ARSK: variants seen among roughly 807,000 people sequenced by gnomAD.
ARSK encodes the protein arylsulfatase K.
Under a neutral mutation model 53.2 loss-of-function variants are expected in ARSK, and 37 were observed. The ratio of observed to expected loss-of-function variants is 0.70; its 90% CI spans 0.54 to 0.92. ARSK has a LOEUF of 0.92. Among genes scored for constraint, ARSK ranks in the 40% least tolerant of loss-of-function variants. ARSK has a pLI of 0.00. For synonymous variants in ARSK, 208 were observed against 223.2 expected (o/e 0.93, Z 0.61); for missense variants, 613 against 643.0 (o/e 0.95, Z 0.51).
intron 6 of ARSK, among the ~76,000 whole-genome samples, chr5:95,600,375 C>A (rs1213298858): frequency 6.6e-6 from 1 of 152,098 alleles, no homozygotes; most frequent in African/African-American, 2.4e-5. Flanking sequence ...CATTGTTTTG[C>A]AAACATATAA....
chr5:95,568,402 G>A (rs1411551021), intron 3 of ARSK, among the ~76,000 whole-genome samples: 1 of 151,934 alleles, frequency 6.6e-6, no homozygotes, highest in Non-Finnish European at 1.5e-5. Flanking sequence ...TCGTTGGTCA[G>A]TTCTCTCTAA....
At chr5:95,558,933 G>A (rs1040698363) in intron 1 of ARSK, among the ~76,000 whole-genome samples, 1 of 152,196 alleles carries the variant, frequency 6.6e-6, no homozygotes, top group Non-Finnish European at 1.5e-5. Flanking sequence ...CTGAGATCAG[G>A]AGTTCGAGAC....
At chr5:95,589,302 G>T (rs940364663) in intron 5 of ARSK, among the ~76,000 whole-genome samples, 1 of 152,168 alleles carries the variant, frequency 6.6e-6, no homozygotes, top group Non-Finnish European at 1.5e-5. Flanking sequence ...AAGTTCCAGG[G>T]TACATGTGCA....
intron 3 of ARSK, among the ~76,000 whole-genome samples, chr5:95,579,025 G>C (rs1299963011): frequency 1.3e-5 from 2 of 152,070 alleles, no homozygotes; most frequent in Non-Finnish European, 2.9e-5. Flanking sequence ...AGTATATTTG[G>C]CTATCACCTG....
chr5:95,594,877 A>G (rs1197020531), intron 6 of ARSK, among the ~76,000 whole-genome samples: 1 of 152,078 alleles, frequency 6.6e-6, no homozygotes, highest in East Asian at 1.9e-4. Context: ...AGTCCTTCTC[A>G]TATACTGCTA....
chr5:95,566,270 G>T (rs368486136), intron 2 of ARSK, 143 bp downstream of exon 2: 5 of 1,020,870 alleles, frequency 4.9e-6, no homozygotes, highest in South Asian at 1.7e-5. Flanking sequence ...GCATTTTAAG[G>T]TATATATTGG....
rs146875927 is a variant in ARSK, at chr5:95,583,216, G to T, written c.699+18G>T. 7.7e-3 allele frequency: 11,556 copies of T among 1,501,630 alleles called. 66 individuals are homozygous for T. Among genetic ancestry groups the T allele is most frequent in the Non-Finnish European group, 9.5e-3 (10,611 of 1,117,938 alleles). 93.0% of individuals were successfully genotyped at this position (1,501,630 alleles called of 1,614,324 possible). ...TTGAAAAAGTAAGTAACTACATTGT[G>T]TGTGCTCAAAAGTAGATTTATATAT... On this transcript the variant is annotated intron_variant, in intron 4 of 7. Coordinates refer to ENST00000380009, the MANE Select transcript of ARSK (RefSeq NM_198150.3).
chr5:95,571,646 T>C (rs17084908), intron 3 of ARSK, among the ~76,000 whole-genome samples: 2 of 152,198 alleles, frequency 1.3e-5, no homozygotes, highest in South Asian at 4.1e-4. Context: ...ATGTTGATGT[T>C]TGGGATGTCA....
In ARSK at chr5:95,561,658, G is replaced by A. The variant is rs149826879; in HGVS notation, c.127-4340G>A. ...AGCTAGTCAAAAAGGACCACATATT[G>A]TATGATTCCATTCATATGAAATGTC... On this transcript the variant is annotated intron_variant, in intron 1 of 7. Coordinates refer to ENST00000380009, the MANE Select transcript of ARSK (RefSeq NM_198150.3). 4.4e-3 allele frequency among the ~76,000 whole-genome samples: 670 copies of A among 152,338 alleles called. 6 individuals carry two copies. The highest frequency in any genetic ancestry group is 0.015 in the African/African-American group (640 of 41,576).
intron 5 of ARSK, among the ~76,000 whole-genome samples, chr5:95,589,414 G>A (rs1016197953): frequency 6.6e-6 from 1 of 152,160 alleles, no homozygotes; most frequent in African/African-American, 2.4e-5. Flanking sequence ...GCATGCATTA[G>A]CTATTTTTCC....
chr5:95,599,587 C>T (rs1749364063), intron 6 of ARSK, among the ~76,000 whole-genome samples: 1 of 152,140 alleles, frequency 6.6e-6, no homozygotes, highest in African/African-American at 2.4e-5. Flanking sequence ...CCTCTTTTCT[C>T]CTCTTTTTGT....
intron 6 of ARSK, among the ~76,000 whole-genome samples, chr5:95,592,578 T>G (rs928890355): frequency 2.6e-5 from 4 of 152,160 alleles, no homozygotes; most frequent in African/African-American, 9.7e-5. Flanking sequence ...TGATGGAGTT[T>G]CGCTTTTTCA....
intron 3 of ARSK, among the ~76,000 whole-genome samples, chr5:95,576,284 C>T (rs1021382978): frequency 2.0e-5 from 3 of 150,774 alleles, no homozygotes; most frequent in Non-Finnish European, 4.4e-5. Flanking sequence ...CTGCAACCTC[C>T]ACCTCCCAGG....
intron 4 of ARSK, among the ~76,000 whole-genome samples, chr5:95,585,306 A>G (rs912392549): frequency 5.3e-5 from 8 of 152,188 alleles, no homozygotes; most frequent in Non-Finnish European, 1.0e-4. Context: ...TGATCCAGCA[A>G]TCCCACTACA....
chr5:95,603,436 G>A lies in ARSK; in HGVS notation c.1521G>A (p.Arg507=). ...ATTCAAACGTTATAGCAAATCTTAG[G>A]TGGCACCAAGACTGGCAGAAGGAAC... ...QNYSNVIANL[R]WHQDWQKEPR... The change falls in exon 8 of 8, where the codon AGG becomes AGA. Residue 507 remains arginine, a synonymous_variant. Transcript: ENST00000380009. 1 of 1,613,558 alleles carries A rather than the reference G, an allele frequency of 6.2e-7. No individual in the cohort carries two copies. The highest frequency in any genetic ancestry group is 8.5e-7 in the Non-Finnish European group (1 of 1,179,668).
intron 1 of ARSK, among the ~76,000 whole-genome samples, chr5:95,564,558 C>A (rs1748695949): frequency 6.6e-6 from 1 of 152,156 alleles, no homozygotes; most frequent in Non-Finnish European, 1.5e-5. Context: ...TTTCCTGCCT[C>A]CCATTCCTTC....
Position 95,603,770 on chromosome 5 carries a change from C to T in ARSK, c.*244C>T, listed in dbSNP as rs190583427. 1.5e-3 allele frequency: 366 copies of T among 239,258 alleles called. 3 individuals carry two copies. The highest frequency in any genetic ancestry group is 7.9e-3 in the African/African-American group (347 of 43,826). 14.8% of individuals were successfully genotyped at this position (239,258 alleles called of 1,614,324 possible). A position where few individuals can be genotyped will look rare whatever the true frequency, so the allele number is the denominator to read the frequency against. On this transcript the variant is annotated 3_prime_UTR_variant, in exon 8 of 8. Transcript: ENST00000380009. ...TAAAAATACAAAAATTAGCTGGGCGCGGTGGTGCACACCTATAGTCTCAGC... is the reference window on the plus strand; with the variant it reads ...TAAAAATACAAAAATTAGCTGGGCGTGGTGGTGCACACCTATAGTCTCAGC...
At position 95,555,532 on chromosome 5, in the gene ARSK, G is replaced by A. The variant is rs549355454; in HGVS notation, c.126+128G>A. On this transcript the variant is annotated intron_variant, in intron 1 of 7. Transcript: ENST00000380009. This position sits in a 1 kb window ranked among gnomAD's most constrained non-coding sequence, Gnocchi z 4.0. ...CAAACACCTTTTACCCCGATGCAAA[G>A]AAAGAAATACATTTTATGTGAGGCC... 4 of 1,028,510 alleles carry A rather than the reference G, an allele frequency of 3.9e-6. No individual in the cohort carries two copies. Among genetic ancestry groups the A allele is most frequent in the East Asian group, 3.1e-5 (1 of 32,510 alleles). The allele number at this position is 1,028,510 out of a possible 1,614,324, so 63.7% of individuals were successfully genotyped here.
At chr5:95,570,428 G>A (rs1157442634) in intron 3 of ARSK, among the ~76,000 whole-genome samples, 1 of 152,212 alleles carries the variant, frequency 6.6e-6, no homozygotes, top group Non-Finnish European at 1.5e-5. Flanking sequence ...ACATGTAGGA[G>A]GAGGAGCACA....
Sources: allele counts gnomAD v4.1 joint callset (sites outside exome capture counted in the v4.1 genomes callset), GRCh38; gene constraint gnomAD v4.1.1; non-coding constraint Gnocchi (gnomAD v3.1); transcripts MANE v1.5; gene names NCBI Gene and HGNC (gene_info 2026-07-23, HGNC 2026-07-21).